Variants in SLC16A9 observed in about 807,000 individuals in gnomAD.
SLC16A9 encodes the protein solute carrier family 16 member 9, also known as monocarboxylate transporter 9.
A neutral mutation model predicts 44.3 loss-of-function variants in SLC16A9; 26 were observed. That is an observed-to-expected ratio of 0.59 (90% CI 0.43 to 0.81). SLC16A9 has a LOEUF of 0.81. Ranked by LOEUF, SLC16A9 falls within the 40% of genes least tolerant of loss-of-function variation. The pLI is 0.00. For missense variants in SLC16A9, 559 were observed against 595.8 expected (o/e 0.94, Z 0.64); for synonymous variants, 230 against 225.1 (o/e 1.02, Z -0.19).
At chr10:59,687,194 C>T (rs537918642) in intron 1 of SLC16A9, among the ~76,000 whole-genome samples, 5 of 152,282 alleles carry the variant, frequency 3.3e-5, no homozygotes, top group African/African-American at 1.2e-4. Flanking sequence ...CATGAGCCAC[C>T]GTGCCTGGCC....
intron 3 of SLC16A9, among the ~76,000 whole-genome samples, chr10:59,667,531 C>T (rs988766034): frequency 1.3e-5 from 2 of 152,192 alleles, no homozygotes; most frequent in African/African-American, 4.8e-5. Flanking sequence ...GATTCGTTAT[C>T]TTGAAATGAA....
intron 4 of SLC16A9, among the ~76,000 whole-genome samples, 196 bp downstream of exon 4, chr10:59,664,031 T>TAAAAAAAAA (rs71467073): frequency 8.2e-6 from 1 of 122,556 alleles, no homozygotes; most frequent in Non-Finnish European, 1.7e-5. Flanking sequence ...ATGTAAAATG[T>TAAAAAAAAA]AAAAAAAAAA....
chr10:59,663,301 T>C (rs1418783730), intron 4 of SLC16A9, among the ~76,000 whole-genome samples: 2 of 151,732 alleles, frequency 1.3e-5, no homozygotes, highest in Non-Finnish European at 2.9e-5. Context: ...GCAGAGGTTG[T>C]GGTGAGCCAA....
chr10:59,659,432 T>A (rs1474135965), intron 4 of SLC16A9, among the ~76,000 whole-genome samples: 2 of 152,050 alleles, frequency 1.3e-5, no homozygotes, highest in East Asian at 3.9e-4. Context: ...TATATAATGG[T>A]AAAGGGATCA....
chr10:59,693,222 G>A (rs1176603606), intron 1 of SLC16A9, among the ~76,000 whole-genome samples: 1 of 152,154 alleles, frequency 6.6e-6, no homozygotes, highest in Non-Finnish European at 1.5e-5. Context: ...AGTCTCCTCT[G>A]GGTCAAAGAC....
intron 1 of SLC16A9, among the ~76,000 whole-genome samples, chr10:59,685,829 A>G (rs777904100): frequency 6.6e-6 from 1 of 152,246 alleles, no homozygotes; most frequent in Non-Finnish European, 1.5e-5. Flanking sequence ...AGGATCATTG[A>G]GGCCAGGTAT....
intron 1 of SLC16A9, among the ~76,000 whole-genome samples, chr10:59,701,132 G>A (rs766190735): frequency 2.6e-5 from 4 of 152,076 alleles, no homozygotes; most frequent in Admixed American, 6.6e-5. Context: ...TGTCATGACC[G>A]TACTTCCATT....
At chr10:59,697,151 G>C (rs1308116224) in intron 1 of SLC16A9, among the ~76,000 whole-genome samples, 1 of 133,542 alleles carries the variant, frequency 7.5e-6, no homozygotes, top group Non-Finnish European at 1.7e-5. Flanking sequence ...CCGTCCGGGA[G>C]GTGAGGGGCG....
In SLC16A9 at chr10:59,653,817, C is replaced by T; in HGVS notation, c.1209G>A (p.Gly403=). ...AATTACCAGTAAGAAACCCTAGGAT[C>T]CCAGAAAGCAACGCCAATGTGACAT... The part of the protein sequence containing the change: ...KSYVTLALLS[G]ILGFLTGNWS... Residue 403 remains glycine, a synonymous_variant, in exon 5 of 6, where the codon GGG becomes GGA. Coordinates refer to ENST00000395348, the MANE Select transcript of SLC16A9 (RefSeq NM_194298.3). 2 of 1,614,096 alleles carry T rather than the reference C, an allele frequency of 1.2e-6. No homozygotes were observed. The highest frequency in any genetic ancestry group is 2.2e-5 in the East Asian group (1 of 44,858).
chr10:59,694,403 G>C (rs781709668), intron 1 of SLC16A9, among the ~76,000 whole-genome samples: 1 of 152,086 alleles, frequency 6.6e-6, no homozygotes, highest in Non-Finnish European at 1.5e-5. Flanking sequence ...TCAAGGTTTC[G>C]ATTAAATATC....
intron 2 of SLC16A9, among the ~76,000 whole-genome samples, chr10:59,675,735 C>G (rs1223324851): frequency 6.6e-6 from 1 of 152,156 alleles, no homozygotes; most frequent in Non-Finnish European, 1.5e-5. Flanking sequence ...ACGTGGTCAC[C>G]CTCCCAAATG....
chr10:59,700,587 G>A (rs1187233328), intron 1 of SLC16A9, among the ~76,000 whole-genome samples: 1 of 152,172 alleles, frequency 6.6e-6, no homozygotes, highest in African/African-American at 2.4e-5. Flanking sequence ...TTCAAGCCTG[G>A]CCATGAAGCA....
intron 2 of SLC16A9, 32 bp downstream of exon 2, chr10:59,684,064 G>C: frequency 6.4e-7 from 1 of 1,557,104 alleles, no homozygotes; most frequent in Non-Finnish European, 8.8e-7. Flanking sequence ...AATGATTAAA[G>C]AGTAAAGAGA....
At chr10:59,684,620 C>T (rs1025130437) in intron 1 of SLC16A9, among the ~76,000 whole-genome samples, 1 of 152,110 alleles carries the variant, frequency 6.6e-6, no homozygotes, top group Non-Finnish European at 1.5e-5. Context: ...TGCTCAACCA[C>T]AGAGAACCAC....
intron 2 of SLC16A9, among the ~76,000 whole-genome samples, chr10:59,676,895 C>G (rs549293495): frequency 1.4e-5 from 2 of 146,988 alleles, no homozygotes; most frequent in Non-Finnish European, 1.5e-5. Context: ...TGTGCTCCAG[C>G]CTGGGCAATG....
intron 1 of SLC16A9, among the ~76,000 whole-genome samples, chr10:59,693,939 A>C (rs1324111176): frequency 7.0e-6 from 1 of 143,866 alleles, no homozygotes; most frequent in East Asian, 2.0e-4. Flanking sequence ...TTATTTATTT[A>C]TTTATTTATT....
Position 59,654,067 on chromosome 10 carries a change from C to T in SLC16A9, c.959G>A (p.Gly320Glu), listed in dbSNP as rs376929053. ...FIAILLFDIG[G>E]FPPSLLMEDV... ...TTCCATAAGTAATGAAGGTGGAAAC[C>T]CTCCGATGTCAAAGAGTAAGATAGC... is the stretch of plus-strand genomic sequence containing the variant. The change falls in exon 5 of 6, where the codon GGG becomes GAG. Residue 320 changes from glycine (G) to glutamate (E), a missense_variant. Physicochemically the swap from Gly to Glu is moderately conservative, Grantham distance 98. Coordinates refer to ENST00000395348, the MANE Select transcript of SLC16A9 (RefSeq NM_194298.3). The T allele has an allele frequency of 6.8e-6, 11 of 1,613,988 alleles. No homozygotes were observed. In the African/African-American group the frequency reaches 1.5e-4, roughly 22 times the overall value.
In SLC16A9 at chr10:59,654,363, C is replaced by A; in HGVS notation, c.663G>T (p.Leu221=). 3 of 1,613,932 alleles carry A rather than the reference C, an allele frequency of 1.9e-6. No individual in the cohort carries two copies. The highest frequency in any genetic ancestry group is 2.5e-6 in the Non-Finnish European group (3 of 1,180,014). The change falls in exon 5 of 6, where the codon CTG becomes CTT. Residue 221 remains leucine (L), a synonymous_variant. Coordinates refer to ENST00000395348, the MANE Select transcript of SLC16A9 (RefSeq NM_194298.3). ...TGTCAAGAATGTTTATGTTTTCTTC[C>A]AGATTCTTTCCTTTTTCATTGTAAA... ...YSIYNEKGKN[L]EENINILDKS...
rs771437925 is a variant in SLC16A9, at chr10:59,653,932, T to C, written c.1094A>G (p.Asp365Gly). The C allele has an allele frequency of 6.2e-7, 1 of 1,614,104 alleles. No individual in the cohort carries two copies. The highest frequency in any genetic ancestry group is 8.5e-7 in the Non-Finnish European group (1 of 1,180,026). The change falls in exon 5 of 6, where the codon GAC (aspartate) becomes GGC (glycine). Residue 365 changes from aspartate to glycine, a missense_variant. Asp to Gly is a moderately conservative substitution (Grantham distance 94). Coordinates refer to ENST00000395348, the MANE Select transcript of SLC16A9 (RefSeq NM_194298.3). ...ATACAAGGTATTAATCCACTTGAAG[T>C]CAGCCAGTATCCCTAAAAGCAGTTT... ...VGKLLLGILADFKWINTLYLY... is the reference protein window; with the variant it reads ...VGKLLLGILAGFKWINTLYLY...
Sources: allele counts gnomAD v4.1 joint callset (sites outside exome capture counted in the v4.1 genomes callset), GRCh38; gene constraint gnomAD v4.1.1; transcripts MANE v1.5; gene names NCBI Gene and HGNC (gene_info 2026-07-23, HGNC 2026-07-21).